Variants in FAM120A observed in about 807,000 individuals in gnomAD.
FAM120A encodes constitutive coactivator of PPAR-gamma-like protein 1.
Under a neutral mutation model 109.7 loss-of-function variants are expected in FAM120A, and 15 were observed. The ratio of observed to expected loss-of-function variants is 0.14; its 90% CI spans 0.09 to 0.21. The LOEUF (loss-of-function observed/expected upper bound fraction) is 0.21, where lower values mean the gene tolerates loss of function less well. Among genes scored for constraint, FAM120A ranks in the 10% least tolerant of loss-of-function variants. The pLI, the probability that FAM120A is intolerant of heterozygous loss-of-function variation, is 1.00. For synonymous variants in FAM120A, 493 were observed against 572.8 expected (o/e 0.86, Z 1.99); for missense variants, 899 against 1,439.3 (o/e 0.62, Z 6.07).
chr9:93,498,064 A>G lies in FAM120A; in HGVS notation c.933+465A>G, dbSNP rs530827316. ...GCCAACAAGTTGGCATCAGTAGAAT[A>G]GGCAAGGCTCTGTGAAACTCCTGCT... On this transcript the variant is annotated intron_variant, in intron 4 of 17. Coordinates refer to ENST00000277165, the MANE Select transcript of FAM120A (RefSeq NM_014612.5). This position sits in a 1 kb window ranked among gnomAD's most constrained non-coding sequence, Gnocchi z 4.4. Among the ~76,000 whole-genome samples the G allele has an allele frequency of 6.6e-6, 1 of 152,310 alleles. No homozygotes were observed. Among genetic ancestry groups the G allele is most frequent in the Admixed American group, 6.5e-5 (1 of 15,302 alleles).
intron 5 of FAM120A, among the ~76,000 whole-genome samples, chr9:93,511,096 G>T (rs1273316906): frequency 7.9e-5 from 12 of 151,792 alleles, no homozygotes; most frequent in Non-Finnish European, 1.8e-4. Flanking sequence ...TCTTGTTTCT[G>T]TTGACTTGAA....
chr9:93,531,406 A>T (rs1334994923), intron 9 of FAM120A: 1 of 152,248 alleles, frequency 6.6e-6, no homozygotes, highest in East Asian at 1.9e-4. Context: ...TTGTTGCATG[A>T]TATCTTGAGA....
In FAM120A at chr9:93,550,309, A is replaced by G. The variant is rs1376368651; in HGVS notation, c.2160-268A>G. On this transcript the variant is annotated intron_variant, in intron 11 of 17. Coordinates refer to ENST00000277165, the MANE Select transcript of FAM120A (RefSeq NM_014612.5). ...AAATGTTTCACAAGAGTGAGGTTGT[A>G]TCAAAAATCACTGACTAGCTAGTTT... is the stretch of plus-strand genomic sequence containing the variant. Among the ~76,000 whole-genome samples, 4 of 152,236 alleles carry G rather than the reference A, an allele frequency of 2.6e-5. No individual in the cohort carries two copies. In the East Asian group the frequency reaches 5.8e-4, roughly 22 times the overall value.
intron 5 of FAM120A, among the ~76,000 whole-genome samples, chr9:93,507,275 A>G (rs1298860928): frequency 6.6e-6 from 1 of 152,182 alleles, no homozygotes; most frequent in Non-Finnish European, 1.5e-5. Flanking sequence ...TAGATAGTAG[A>G]TATTGATGCT....
In FAM120A at chr9:93,556,607, G is replaced by A. The variant is rs367775186; in HGVS notation, c.2484+16G>A. On this transcript the variant is annotated intron_variant, in intron 13 of 17. Transcript: ENST00000277165. The stretch of plus-strand genomic sequence containing the variant: ...TGATGGTCAGGTATGCTGCGGGGCC[G>A]GGTGGCTGCCTTTAACTGCAATGAA... 15 of 1,611,990 alleles carry A rather than the reference G, an allele frequency of 9.3e-6. No homozygotes were observed. Among genetic ancestry groups the A allele is most frequent in the Non-Finnish European group, 1.2e-5 (14 of 1,178,206 alleles).
intron 1 of FAM120A, among the ~76,000 whole-genome samples, chr9:93,460,464 C>T (rs1270987413): frequency 2.6e-5 from 4 of 152,168 alleles, no homozygotes; most frequent in African/African-American, 9.7e-5. Context: ...GCCTCAGCCT[C>T]CCAAGTAGCT....
At chr9:93,473,626 A>G (rs1231841066) in intron 2 of FAM120A, among the ~76,000 whole-genome samples, 1 of 152,126 alleles carries the variant, frequency 6.6e-6, no homozygotes, top group Admixed American at 6.5e-5. Context: ...AATTTTTTAT[A>G]TGTTATTTTG....
chr9:93,546,523 C>G (rs1464652583), intron 11 of FAM120A, among the ~76,000 whole-genome samples: 1 of 152,236 alleles, frequency 6.6e-6, no homozygotes, highest in Non-Finnish European at 1.5e-5. Context: ...GCCTCGTGGC[C>G]TGCTGTGTGT....
chr9:93,486,117 C>T (rs528444597), intron 3 of FAM120A, among the ~76,000 whole-genome samples: 187 of 152,186 alleles, frequency 1.2e-3, no homozygotes, highest in Admixed American at 3.6e-3. Flanking sequence ...GGACTATAGG[C>T]GTGTACCACC....
At chr9:93,560,667 G>C (rs1587642338) in intron 15 of FAM120A, among the ~76,000 whole-genome samples, 1 of 152,204 alleles carries the variant, frequency 6.6e-6, no homozygotes, top group South Asian at 2.1e-4. Context: ...TTGTGACTCT[G>C]CTTATGGAAA....
At position 93,452,496 on chromosome 9, in the gene FAM120A, G is replaced by A. The variant is rs971938855; in HGVS notation, c.474+107G>A. 1 of 1,545,422 alleles carries A rather than the reference G, an allele frequency of 6.5e-7. No individual in the cohort carries two copies. The highest frequency in any genetic ancestry group is 1.9e-5 in the Admixed American group (1 of 51,288). The stretch of plus-strand genomic sequence containing the variant: ...CGGCCGTGGCGGCGCTGGGGGCAGC[G>A]AGTTCCCCCAGCCCTTGCCCGGGAT... On this transcript the variant is annotated intron_variant, in intron 1 of 17. Transcript: ENST00000277165. This position sits in a 1 kb window ranked among gnomAD's most constrained non-coding sequence, Gnocchi z 7.0.
chr9:93,527,601 A>T (rs1021807616), intron 8 of FAM120A, among the ~76,000 whole-genome samples: 2 of 138,170 alleles, frequency 1.4e-5, no homozygotes, highest in Middle Eastern at 4.0e-3. Context: ...TTTTAAAAAA[A>T]TTTTTGTATT....
At chr9:93,549,877 C>T (rs1369045267) in intron 11 of FAM120A, among the ~76,000 whole-genome samples, 1 of 152,182 alleles carries the variant, frequency 6.6e-6, no homozygotes, top group Non-Finnish European at 1.5e-5. Context: ...TGGGGTTGTG[C>T]CTTGTGCAGT....
chr9:93,560,293 TAA>T (rs879732924), intron 15 of FAM120A, among the ~76,000 whole-genome samples: 1 of 146,254 alleles, frequency 6.8e-6, no homozygotes, highest in Non-Finnish European at 1.5e-5. Context: ...GACCCTGTCT[TAA>T]AAAAAAAAAA....
At position 93,498,964 on chromosome 9, in the gene FAM120A, G is replaced by A. The variant is rs1859688759; in HGVS notation, c.1030+78G>A. ...GTTTAAATATTCACCATATAATCTT[G>A]TAGGTTTATGTTTTTGAAACATGAT... On this transcript the variant is annotated intron_variant, in intron 5 of 17. Transcript: ENST00000277165. This position sits in a 1 kb window ranked among gnomAD's most constrained non-coding sequence, Gnocchi z 4.4. 9.4e-6 allele frequency: 9 copies of A among 952,704 alleles called. No homozygotes were observed. In the Admixed American group the frequency reaches 1.2e-4, roughly 13 times the overall value. The allele number at this position is 952,704 out of a possible 1,614,324, so 59.0% of individuals were successfully genotyped here.
intron 9 of FAM120A, chr9:93,530,334 T>C (rs1048869218): frequency 6.6e-6 from 1 of 152,392 alleles, no homozygotes; most frequent in Non-Finnish European, 1.5e-5. Flanking sequence ...GTTACTAGAT[T>C]AATCCTGCAG....
At position 93,564,449 on chromosome 9, in the gene FAM120A, A is replaced by G. The variant is rs1862575304; in HGVS notation, c.3266A>G (p.Asn1089Ser). Residue 1089 changes from asparagine to serine, a missense_variant, in exon 18 of 18, where the codon AAT (asparagine) becomes AGT (serine). Coordinates refer to ENST00000277165, the MANE Select transcript of FAM120A (RefSeq NM_014612.5). ...SALNNDSKTC[N>S]TNPHLNALST... Reference sequence around the variant, plus strand: ...TTGAATAATGACTCTAAAACGTGCAATACAAATCCTCATTTAAATGCACTA... The same window carrying G: ...TTGAATAATGACTCTAAAACGTGCAGTACAAATCCTCATTTAAATGCACTA... The G allele has an allele frequency of 1.2e-6, 2 of 1,614,252 alleles. No individual in the cohort carries two copies. Among genetic ancestry groups the G allele is most frequent in the Non-Finnish European group, 1.7e-6 (2 of 1,180,042 alleles).
Position 93,561,368 on chromosome 9 carries a change from A to G in FAM120A, c.2948+118A>G. The stretch of plus-strand genomic sequence containing the variant: ...ATATCATTAGATACATTCTTCTTTA[A>G]TATCATTTGTATTTAATTATTTAGT... On this transcript the variant is annotated intron_variant, in intron 16 of 17. Transcript: ENST00000277165. 4.5e-6 allele frequency: 4 copies of G among 890,358 alleles called. No homozygotes were observed. In the South Asian group the frequency reaches 7.0e-5, roughly 16 times the overall value. 55.2% of individuals were successfully genotyped at this position (890,358 alleles called of 1,614,324 possible). A position where few individuals can be genotyped will look rare whatever the true frequency, so the allele number is the denominator to read the frequency against.
intron 11 of FAM120A, among the ~76,000 whole-genome samples, chr9:93,548,571 T>C (rs1345506988): frequency 6.6e-6 from 1 of 152,056 alleles, no homozygotes; most frequent in East Asian, 1.9e-4. Context: ...ATGGCTTAAA[T>C]GGTAAATTTT....
Sources: allele counts gnomAD v4.1 joint callset (sites outside exome capture counted in the v4.1 genomes callset), GRCh38; gene constraint gnomAD v4.1.1; non-coding constraint Gnocchi (gnomAD v3.1); transcripts MANE v1.5; gene names NCBI Gene and HGNC (gene_info 2026-07-23, HGNC 2026-07-21).